Variants in GRIK4 observed in about 807,000 individuals in gnomAD.
GRIK4 encodes the protein glutamate receptor ionotropic, kainate 4.
A neutral mutation model predicts 104.9 loss-of-function variants in GRIK4; 40 were observed. The ratio of observed to expected loss-of-function variants is 0.38; its 90% CI spans 0.30 to 0.50. GRIK4 has a LOEUF of 0.50. GRIK4 is among the 20% of genes least tolerant of loss of function. GRIK4 has a pLI of 0.93. For missense variants in GRIK4, 1,047 were observed against 1,308.1 expected, an observed-to-expected ratio of 0.80 and a Z score of 3.08; for synonymous variants, 485 against 524.9, an observed-to-expected ratio of 0.92 and a Z score of 1.04.
rs538113285 is a variant in GRIK4 at position 120,511,839 on chromosome 11, C to T, written c.-207C>T. The T allele has an allele frequency of 1.1e-5, 4 of 352,916 alleles. No homozygotes were observed. The highest frequency in any genetic ancestry group is 3.8e-5 in the South Asian group (2 of 52,766). 21.9% of individuals were successfully genotyped at this position (352,916 alleles called of 1,614,324 possible). ...GCCAACAGCAGCCCCGCGGCCGGCC[C>T]GGCAGCGCCCGGCCCCCGGCTCAGC... On this transcript the variant is annotated 5_prime_UTR_variant, in exon 1 of 21. Coordinates refer to ENST00000527524, the MANE Select transcript of GRIK4 (RefSeq NM_014619.5).
chr11:120,981,693 A>G (rs1172552901), intron 19 of GRIK4, among the ~76,000 whole-genome samples: 1 of 152,230 alleles, frequency 6.6e-6, no homozygotes, highest in East Asian at 1.9e-4. Flanking sequence ...TTTATATCAC[A>G]TAAATACAAT....
intron 6 of GRIK4, among the ~76,000 whole-genome samples, chr11:120,829,403 C>T (rs2135559425): frequency 6.6e-6 from 1 of 152,262 alleles, no homozygotes; most frequent in Middle Eastern, 3.4e-3. Context: ...ATTCAGGCTG[C>T]CAAACAAAAC....
intron 1 of GRIK4, among the ~76,000 whole-genome samples, chr11:120,567,359 G>T (rs958289823): frequency 6.6e-6 from 1 of 151,504 alleles, no homozygotes; most frequent in Non-Finnish European, 1.5e-5. Context: ...GGATCTCTCT[G>T]TATTGCCCAG....
chr11:120,846,368 A>C (rs1038218879), intron 8 of GRIK4, among the ~76,000 whole-genome samples: 1 of 152,172 alleles, frequency 6.6e-6, no homozygotes, highest in Non-Finnish European at 1.5e-5. Context: ...GCAGGATGTG[A>C]ATTGAAGAGG....
chr11:120,691,862 GTA>G (rs1950370054), intron 3 of GRIK4, among the ~76,000 whole-genome samples: 2 of 152,234 alleles, frequency 1.3e-5, no homozygotes, highest in Admixed American at 6.5e-5. Flanking sequence ...AGGAACTGCT[GTA>G]CTGTTGCCTG....
chr11:120,536,014 G>A (rs11824600), intron 1 of GRIK4, among the ~76,000 whole-genome samples: 45,190 of 152,156 alleles, frequency 0.3, 7,770 homozygotes, highest in Non-Finnish European at 0.4. Context: ...AGACGAGAAG[G>A]TAGACACAGG....
intron 3 of GRIK4, among the ~76,000 whole-genome samples, chr11:120,753,497 G>T (rs1951597832): frequency 6.6e-6 from 1 of 152,102 alleles, no homozygotes; most frequent in Non-Finnish European, 1.5e-5. Context: ...GTAAAATTGG[G>T]ATCATGCGTA....
chr11:120,660,450 T>A, intron 3 of GRIK4, 50 bp downstream of exon 3: 2 of 1,375,138 alleles, frequency 1.5e-6, no homozygotes, highest in South Asian at 2.3e-5. Flanking sequence ...ATCCCAGGTG[T>A]CCACAAGGGA....
rs145411164 is a variant in GRIK4 at position 120,781,869 on chromosome 11, C to G, written c.83-20824C>G. Among the ~76,000 whole-genome samples the G allele has an allele frequency of 4.6e-4, 70 of 152,278 alleles. 1 individual carries two copies. The highest frequency in any genetic ancestry group is 3.4e-3 in the Middle Eastern group (1 of 294). ...CATGGCCCTTGAGGCCATGTGACAA[C>G]CTGTGTGTCCCTGCTCCCTGTGCCT... is the stretch of plus-strand genomic sequence containing the variant. On this transcript the variant is annotated intron_variant, in intron 3 of 20. Transcript: ENST00000527524.
intron 1 of GRIK4, among the ~76,000 whole-genome samples, chr11:120,627,911 C>G (rs1285620788): frequency 3.9e-5 from 6 of 152,238 alleles, no homozygotes; most frequent in African/African-American, 1.4e-4. Context: ...GAACTCATGT[C>G]ACGGTGCTGC....
chr11:120,944,173 C>G lies in GRIK4; in HGVS notation c.1590+3713C>G, dbSNP rs369170192. Among the ~76,000 whole-genome samples, 6 of 149,896 alleles carry G rather than the reference C, an allele frequency of 4.0e-5. No homozygotes were observed. In the East Asian group the frequency reaches 5.9e-4, roughly 15 times the overall value. On this transcript the variant is annotated intron_variant, in intron 14 of 20. Transcript: ENST00000527524. ...CTGTCTCTCTCTCTCTCTCCTCCCC[C>G]CCGTCCCACCCTCCTTCCCTCCCTT... is the stretch of plus-strand genomic sequence containing the variant.
chr11:120,746,450 G>A (rs1951439692), intron 3 of GRIK4, among the ~76,000 whole-genome samples: 1 of 152,106 alleles, frequency 6.6e-6, no homozygotes, highest in Non-Finnish European at 1.5e-5. Context: ...CAGGTAGATA[G>A]GTCATGAGGG....
chr11:120,844,005 A>G (rs1035356224), intron 8 of GRIK4, among the ~76,000 whole-genome samples: 2 of 152,138 alleles, frequency 1.3e-5, no homozygotes, highest in Non-Finnish European at 2.9e-5. Context: ...CAGAATGGAT[A>G]TATGCAGCCA....
intron 3 of GRIK4, among the ~76,000 whole-genome samples, chr11:120,782,024 C>G (rs1052793178): frequency 6.6e-6 from 1 of 152,212 alleles, no homozygotes; most frequent in Admixed American, 6.5e-5. Context: ...CCTCCTGATT[C>G]AGGTCGCAGC....
At chr11:120,715,741 G>A (rs1018730567) in intron 3 of GRIK4, among the ~76,000 whole-genome samples, 3 of 152,186 alleles carry the variant, frequency 2.0e-5, no homozygotes, top group Non-Finnish European at 2.9e-5. Flanking sequence ...ACCAGGCCAC[G>A]TGGGCGCCAC....
Position 120,953,814 on chromosome 11 carries a change from G to A in GRIK4, c.1700+850G>A, listed in dbSNP as rs969840309. On this transcript the variant is annotated intron_variant, in intron 15 of 20. Transcript: ENST00000527524. The surrounding 1 kb of genome is among the most constrained non-coding windows in gnomAD (Gnocchi z 4.9). ...CTCCAGAAGTGGGATGAGCCCTGGT[G>A]GCTCCCAGGCCACTCACTCAGGTCC... Among the ~76,000 whole-genome samples, 4 of 152,222 alleles carry A rather than the reference G, an allele frequency of 2.6e-5. No homozygotes were observed. Among genetic ancestry groups the A allele is most frequent in the African/African-American group, 7.2e-5 (3 of 41,460 alleles).
chr11:120,729,480 G>A (rs1003381490), intron 3 of GRIK4, among the ~76,000 whole-genome samples: 5 of 152,158 alleles, frequency 3.3e-5, no homozygotes, highest in African/African-American at 1.2e-4. Context: ...ATATCTTGCT[G>A]TAGTTCTAAT....
rs547487077 is a variant in GRIK4 at position 120,973,903 on chromosome 11, C to T, written c.2395+6580C>T. 2.9e-5 allele frequency among the ~76,000 whole-genome samples: 3 copies of T among 105,120 alleles called. No homozygotes were observed. In the South Asian group the frequency reaches 9.1e-4, roughly 32 times the overall value. 69.0% of individuals were successfully genotyped at this position (105,120 alleles called of 152,430 possible). A position where few individuals can be genotyped will look rare whatever the true frequency, so the allele number is the denominator to read the frequency against. ...GACCAACATGACCCAAAGATCTCTT[C>T]CCTTAAATCATTTTTTTTTTTTGAG... On this transcript the variant is annotated intron_variant, in intron 19 of 20. Transcript: ENST00000527524.
At chr11:120,664,186 G>A (rs1565281191) in intron 3 of GRIK4, among the ~76,000 whole-genome samples, 1 of 152,360 alleles carries the variant, frequency 6.6e-6, no homozygotes, top group African/African-American at 2.4e-5. Context: ...TATGCATAAA[G>A]AGGTAAACTT....
Sources: allele counts gnomAD v4.1 joint callset (sites outside exome capture counted in the v4.1 genomes callset), GRCh38; gene constraint gnomAD v4.1.1; non-coding constraint Gnocchi (gnomAD v3.1); transcripts MANE v1.5; gene names NCBI Gene and HGNC (gene_info 2026-07-23, HGNC 2026-07-21).